The following DACH2 variants were observed in gnomAD, a reference collection of about 807,000 sequenced individuals.
DACH2 encodes dachshund family transcription factor 2, also known as dachshund homolog 2.
Under a neutral mutation model 35.8 loss-of-function variants are expected in DACH2, and 17 were observed. The ratio of observed to expected loss-of-function variants is 0.48; its 90% CI spans 0.33 to 0.71. The LOEUF (loss-of-function observed/expected upper bound fraction) is 0.71, where lower values mean the gene tolerates loss of function less well. Among genes scored for constraint, DACH2 ranks in the 30% least tolerant of loss-of-function variants. The pLI is 0.02. For synonymous variants in DACH2, 195 were observed against 177.3 expected, an observed-to-expected ratio of 1.10 and a Z score of -0.79; for missense variants, 469 against 472.7, an observed-to-expected ratio of 0.99 and a Z score of 0.07.
intron 6 of DACH2, among the ~76,000 whole-genome samples, chrX:86,720,908 A>G (rs751784383): frequency 2.1e-4 from 24 of 112,701 alleles, no homozygotes; most frequent in African/African-American, 7.4e-4. Context: ...CCAAACCTCA[A>G]TTCTTGTCTT....
chrX:86,513,474 T>G (rs1172349328), intron 2 of DACH2, among the ~76,000 whole-genome samples: 5 of 111,690 alleles, frequency 4.5e-5, no homozygotes, highest in Non-Finnish European at 9.4e-5. Flanking sequence ...CTAACTCTAT[T>G]ACGGTACAAG....
At chrX:86,255,139 C>T (rs751944932) in intron 1 of DACH2, among the ~76,000 whole-genome samples, 5 of 109,915 alleles carry the variant, frequency 4.5e-5, no homozygotes, top group Admixed American at 2.0e-4. Flanking sequence ...TTTCTCCTTT[C>T]GAGAATGAAA....
At chrX:86,165,030 T>A (rs1300081389) in intron 1 of DACH2, among the ~76,000 whole-genome samples, 2 of 111,644 alleles carry the variant, frequency 1.8e-5, no homozygotes, top group African/African-American at 6.5e-5. Flanking sequence ...CTTTGGGCAT[T>A]GTGGCCATTT....
chrX:86,195,651 A>G (rs1602272974), intron 1 of DACH2, among the ~76,000 whole-genome samples: 1 of 112,067 alleles, frequency 8.9e-6, no homozygotes, highest in Non-Finnish European at 1.9e-5. Flanking sequence ...CCTTTGTCAC[A>G]ACACTATAAA....
intron 2 of DACH2, among the ~76,000 whole-genome samples, chrX:86,457,119 G>T (rs190274450): frequency 1.8e-5 from 2 of 111,419 alleles, no homozygotes; most frequent in East Asian, 5.7e-4. Context: ...TGTGGAATAG[G>T]ATATGAGGGT....
intron 1 of DACH2, among the ~76,000 whole-genome samples, chrX:86,279,672 A>G (rs2033987349): frequency 9.0e-6 from 1 of 110,688 alleles, no homozygotes; most frequent in African/African-American, 3.3e-5. Flanking sequence ...AATGAGTTTT[A>G]TGAACTGACA....
intron 1 of DACH2, among the ~76,000 whole-genome samples, chrX:86,191,528 T>C (rs1378879969): frequency 1.8e-5 from 2 of 111,515 alleles, no homozygotes; most frequent in African/African-American, 6.5e-5. Context: ...TATAAGGTAC[T>C]ATACTTATTA....
intron 7 of DACH2, among the ~76,000 whole-genome samples, chrX:86,745,351 T>A (rs2041700097): frequency 9.0e-6 from 1 of 111,463 alleles, no homozygotes; most frequent in African/African-American, 3.3e-5. Context: ...GCGTACAGAT[T>A]ATTTTGTCAC....
chrX:86,803,252 T>C (rs1290274000), intron 7 of DACH2, among the ~76,000 whole-genome samples: 7 of 111,898 alleles, frequency 6.3e-5, no homozygotes, highest in Admixed American at 9.5e-5. Context: ...GGAAACTATG[T>C]GTGTGGGAGA....
chrX:86,303,944 A>G (rs1602382870), intron 1 of DACH2, among the ~76,000 whole-genome samples: 1 of 111,633 alleles, frequency 9.0e-6, no homozygotes, highest in African/African-American at 3.2e-5. Flanking sequence ...CTTGAGTAGA[A>G]CAAAGCTGGA....
intron 2 of DACH2, among the ~76,000 whole-genome samples, chrX:86,443,721 T>C (rs1332346331): frequency 1.8e-5 from 2 of 111,617 alleles, no homozygotes; most frequent in African/African-American, 6.5e-5. Flanking sequence ...ATTTTGAATT[T>C]TGTCAAATGC....
At chrX:86,407,951 CA>C (rs747010859) in intron 2 of DACH2, among the ~76,000 whole-genome samples, 4 of 109,836 alleles carry the variant, frequency 3.6e-5, no homozygotes, top group Non-Finnish European at 7.6e-5. Flanking sequence ...CTTTTTTTTT[CA>C]GATGAGGAAA....
At chrX:86,588,963 G>A (rs1433867453) in intron 3 of DACH2, among the ~76,000 whole-genome samples, 2 of 111,549 alleles carry the variant, frequency 1.8e-5, no homozygotes, top group Admixed American at 9.6e-5. Context: ...AATGTTTACA[G>A]CTTTTACCCA....
intron 1 of DACH2, among the ~76,000 whole-genome samples, chrX:86,311,720 T>C (rs889704967): frequency 3.6e-5 from 4 of 111,346 alleles, no homozygotes; most frequent in African/African-American, 1.3e-4. Flanking sequence ...AACAATTCCA[T>C]TGAACTGAAA....
chrX:86,762,391 C>T (rs2041892391), intron 7 of DACH2, among the ~76,000 whole-genome samples: 1 of 111,337 alleles, frequency 9.0e-6, no homozygotes, highest in Non-Finnish European at 1.9e-5. Context: ...TTATAATCTT[C>T]TGCTCATTAA....
intron 2 of DACH2, among the ~76,000 whole-genome samples, chrX:86,484,914 G>A (rs2037996140): frequency 9.0e-6 from 1 of 111,648 alleles, no homozygotes; most frequent in Non-Finnish European, 1.9e-5. Flanking sequence ...AGCACATATT[G>A]TTGGGAGGTT....
intron 7 of DACH2, among the ~76,000 whole-genome samples, chrX:86,763,995 T>G (rs1380412267): frequency 1.8e-5 from 2 of 111,827 alleles, no homozygotes; most frequent in East Asian, 2.8e-4. Context: ...ATTCAGAAAC[T>G]TTTTTGACCT....
chrX:86,525,969 G>T (rs1460566174), intron 3 of DACH2, among the ~76,000 whole-genome samples: 2 of 111,717 alleles, frequency 1.8e-5, no homozygotes, highest in Non-Finnish European at 3.8e-5. Flanking sequence ...CTCTTTCATT[G>T]TCTGCTCTTT....
chrX:86,284,343 G>C (rs1377700098), intron 1 of DACH2, among the ~76,000 whole-genome samples: 1 of 111,755 alleles, frequency 8.9e-6, no homozygotes, highest in East Asian at 2.8e-4. Context: ...CAATTGAAAT[G>C]ATCATATGGT....
Sources: allele counts gnomAD v4.1 joint callset (sites outside exome capture counted in the v4.1 genomes callset), GRCh38; gene constraint gnomAD v4.1.1; transcripts MANE v1.5; gene names NCBI Gene and HGNC (gene_info 2026-07-23, HGNC 2026-07-21).